The following MAP1S variants were observed in gnomAD, a reference collection of about 807,000 sequenced individuals.
The protein encoded by MAP1S is microtubule-associated protein 1S.
In MAP1S, 27 loss-of-function variants were observed where a neutral mutation model predicts 60.9. The ratio of observed to expected loss-of-function variants is 0.44; its 90% CI spans 0.33 to 0.61. The LOEUF is 0.61. Among genes scored for constraint, MAP1S ranks in the 20% least tolerant of loss-of-function variants. The pLI is 0.03. For missense variants in MAP1S, 1,608 were observed against 1,486.6 expected (o/e 1.08, Z -1.34); for synonymous variants, 826 against 694.2 (o/e 1.19, Z -2.98).
At chr19:17,728,496 A>C (rs34119888) in intron 5 of MAP1S, among the ~76,000 whole-genome samples, 31,231 of 151,306 alleles carry the variant, frequency 0.21, 4,168 homozygotes, top group Non-Finnish European at 0.29. Context: ...CTGTGTGCCC[A>C]CCTCAGCCTC....
At chr19:17,723,019 C>T (rs1382764867) in intron 2 of MAP1S, among the ~76,000 whole-genome samples, 1 of 152,166 alleles carries the variant, frequency 6.6e-6, no homozygotes, top group Admixed American at 6.5e-5. Flanking sequence ...CACCGGCCCC[C>T]ACCCCGGCTC....
At position 17,727,411 on chromosome 19, in the gene MAP1S, C is replaced by A. The variant is rs758759181; in HGVS notation, c.2027C>A (p.Thr676Lys). Residue 676 changes from threonine to lysine, a missense_variant, in exon 5 of 7, where the codon ACG becomes AAG. Physicochemically the swap from Thr to Lys is moderately conservative, Grantham distance 78. Coordinates refer to ENST00000324096, the MANE Select transcript of MAP1S (RefSeq NM_018174.6). The surrounding 1 kb of genome is among the most constrained non-coding windows in gnomAD (Gnocchi z 4.1). ...PDASPTVTTP[T>K]VTTPSLPAEV... ...GCCTCACCCACAGTGACCACACCCA[C>A]GGTGACCACGCCCTCACTACCCGCA... 3 of 1,598,448 alleles carry A rather than the reference C, an allele frequency of 1.9e-6. No homozygotes were observed. In the South Asian group the frequency reaches 3.4e-5, roughly 18 times the overall value.
rs2080431125 is a variant in MAP1S at position 17,726,803 on chromosome 19, A to G, written c.1419A>G (p.Lys473=). The change falls in exon 5 of 7, where the codon AAA becomes AAG. Residue 473 remains lysine (K), a synonymous_variant. Transcript: ENST00000324096. ...DLEGPGRAES[K]ESVGSRDSSK... ...AGGGGCCGGGGCGAGCCGAGAGCAA[A>G]GAGAGCGTGGGCTCCCGGGACAGCT... 2 of 1,558,248 alleles carry G rather than the reference A, an allele frequency of 1.3e-6. No individual in the cohort carries two copies. Among genetic ancestry groups the G allele is most frequent in the African/African-American group, 2.7e-5 (2 of 73,522 alleles).
At position 17,728,089 on chromosome 19, in the gene MAP1S, G is replaced by A. The variant is rs753996400; in HGVS notation, c.2705G>A (p.Arg902Gln). The change falls in exon 5 of 7, where the codon CGG (arginine) becomes CAG (glutamine). Residue 902 changes from arginine to glutamine, a missense_variant. Coordinates refer to ENST00000324096, the MANE Select transcript of MAP1S (RefSeq NM_018174.6). The part of the protein sequence containing the change: ...GDRASRPLSA[R>Q]SEPSEKGGRA... The stretch of plus-strand genomic sequence containing the variant: ...CGTGCCAGCCGACCACTCAGTGCCC[G>A]GAGTGAGCCCAGTGAGAAGGGAGGC... 14 of 1,612,544 alleles carry A rather than the reference G, an allele frequency of 8.7e-6. No individual in the cohort carries two copies. The highest frequency in any genetic ancestry group is 1.2e-5 in the Non-Finnish European group (14 of 1,179,828).
At chr19:17,721,071 T>A (rs1401787869) in intron 2 of MAP1S, 34 bp downstream of exon 2, 1 of 1,563,492 alleles carries the variant, frequency 6.4e-7, no homozygotes, top group Admixed American at 1.7e-5. Flanking sequence ...GCTCCCTACC[T>A]CTTGTTATTT....
chr19:17,734,439 G>A lies in MAP1S; in HGVS notation c.*11G>A, dbSNP rs780104977. On this transcript the variant is annotated 3_prime_UTR_variant, in exon 7 of 7. Coordinates refer to ENST00000324096, the MANE Select transcript of MAP1S (RefSeq NM_018174.6). Reference sequence around the variant, plus strand: ...AAGGTGGAGTTCTAGCCCCATCGCCGACACGCCCCCCACTCAGCCCAGCCC... The same window carrying A: ...AAGGTGGAGTTCTAGCCCCATCGCCAACACGCCCCCCACTCAGCCCAGCCC... The A allele has an allele frequency of 5.6e-6, 9 of 1,599,358 alleles. No individual in the cohort carries two copies. The highest frequency in any genetic ancestry group is 1.3e-5 in the African/African-American group (1 of 74,700).
At chr19:17,721,647 C>T (rs969038371) in intron 2 of MAP1S, among the ~76,000 whole-genome samples, 1 of 152,128 alleles carries the variant, frequency 6.6e-6, no homozygotes, top group East Asian at 1.9e-4. Context: ...TGCACTCCTG[C>T]CTGAGTGACA....
Position 17,725,750 on chromosome 19 carries a change from G to T in MAP1S, c.445-79G>T. 2 of 1,414,614 alleles carry T rather than the reference G, an allele frequency of 1.4e-6. No homozygotes were observed. Among genetic ancestry groups the T allele is most frequent in the Non-Finnish European group, 1.9e-6 (2 of 1,038,594 alleles). 87.6% of individuals were successfully genotyped at this position (1,414,614 alleles called of 1,614,324 possible). ...AGCAGGCCCTGGGGGAAAGGATGAG[G>T]GTGTCCTCGCCCAGTTTTCCCACCG... On this transcript the variant is annotated intron_variant, in intron 4 of 6. Transcript: ENST00000324096. The surrounding 1 kb of genome is among the most constrained non-coding windows in gnomAD (Gnocchi z 4.2).
rs746496738 is a variant in MAP1S at position 17,727,563 on chromosome 19, C to G, written c.2179C>G (p.Arg727Gly). The G allele has an allele frequency of 6.2e-7, 1 of 1,607,332 alleles. No individual in the cohort carries two copies. The highest frequency in any genetic ancestry group is 1.7e-5 in the Admixed American group (1 of 59,932). Reference protein sequence around the residue: ...LSLPLRGPRARRSASPHDVDL... With the variant: ...LSLPLRGPRAGRSASPHDVDL... ...CCTCCCGCTGCGTGGCCCCCGGGCG[C>G]GGCGCTCGGCTTCCCCACACGATGT... The change falls in exon 5 of 7, where the codon CGG (arginine) becomes GGG (glycine). Residue 727 changes from arginine (R) to glycine (G), a missense_variant. Coordinates refer to ENST00000324096, the MANE Select transcript of MAP1S (RefSeq NM_018174.6). This position sits in a 1 kb window ranked among gnomAD's most constrained non-coding sequence, Gnocchi z 4.1.
rs1158637062 is a variant in MAP1S, at chr19:17,727,197, C to T, written c.1813C>T (p.Leu605=). The T allele has an allele frequency of 6.4e-7, 1 of 1,573,840 alleles. No homozygotes were observed. The highest frequency in any genetic ancestry group is 1.4e-5 in the African/African-American group (1 of 73,886). ...SAACGSPASQ[L]VATPSLELGP... ...AGCCTGCGGCTCTCCGGCCTCCCAG[C>T]TGGTGGCCACGCCCAGCCTGGAGCT... is the stretch of plus-strand genomic sequence containing the variant. The change falls in exon 5 of 7, where the codon CTG becomes TTG. Residue 605 remains leucine (L), a synonymous_variant. Coordinates refer to ENST00000324096, the MANE Select transcript of MAP1S (RefSeq NM_018174.6). The surrounding 1 kb of genome is among the most constrained non-coding windows in gnomAD (Gnocchi z 4.1).
In MAP1S at chr19:17,727,425, T is replaced by A; in HGVS notation, c.2041T>A (p.Ser681Thr). ...GACCACACCCACGGTGACCACGCCC[T>A]CACTACCCGCAGAGGTGGGCTCCCC... ...TVTTPTVTTPSLPAEVGSPHS... is the reference protein window; with the variant it reads ...TVTTPTVTTPTLPAEVGSPHS... The change falls in exon 5 of 7, where the codon TCA becomes ACA. Residue 681 changes from serine to threonine, a missense_variant. Ser to Thr is a moderately conservative substitution (Grantham distance 58, BLOSUM62 1). Around this residue, in one of 4 missense-constraint regions of MAP1S, gnomAD observed 1,167 missense variants for 961.4 expected, o/e 1.21. Coordinates refer to ENST00000324096, the MANE Select transcript of MAP1S (RefSeq NM_018174.6). The surrounding 1 kb of genome is among the most constrained non-coding windows in gnomAD (Gnocchi z 4.1). 6.2e-7 allele frequency: 1 copy of A among 1,601,088 alleles called. No individual in the cohort carries two copies. The highest frequency in any genetic ancestry group is 1.7e-4 in the Middle Eastern group (1 of 6,046).
chr19:17,720,979 T>C lies in MAP1S; in HGVS notation c.162T>C (p.Asp54=), dbSNP rs2080365731. 6.2e-7 allele frequency: 1 copy of C among 1,613,992 alleles called. No individual in the cohort carries two copies. Among genetic ancestry groups the C allele is most frequent in the East Asian group, 2.2e-5 (1 of 44,884 alleles). ...WDVDPGVCNL[D]EQLKVFVSRH... ...TCGATCCTGGCGTCTGCAACCTTGA[T>C]GAACAGCTCAAGGTCTTTGTGTCCC... Residue 54 remains aspartate (D), a synonymous_variant, in exon 2 of 7, where the codon GAT becomes GAC. Coordinates refer to ENST00000324096, the MANE Select transcript of MAP1S (RefSeq NM_018174.6).
chr19:17,730,219 C>A (rs1252356431), intron 5 of MAP1S, among the ~76,000 whole-genome samples: 1 of 152,180 alleles, frequency 6.6e-6, no homozygotes, highest in Non-Finnish European at 1.5e-5. Context: ...TTTCCATGTC[C>A]CTAATGATTA....
chr19:17,719,698 GGGCGGC>G lies in MAP1S; in HGVS notation c.118+96_118+101del, dbSNP rs531398234. 1.1e-3 allele frequency: 625 copies of G among 553,636 alleles called. 4 individuals are homozygous for G. Among genetic ancestry groups the G allele is most frequent in the African/African-American group, 8.8e-3 (421 of 47,638 alleles). The allele number at this position is 553,636 out of a possible 1,614,324, so 34.3% of individuals were successfully genotyped here. On this transcript the variant is annotated intron_variant, in intron 1 of 6. Coordinates refer to ENST00000324096, the MANE Select transcript of MAP1S (RefSeq NM_018174.6). ...GTCTGGGCCCGGGGCCGGCGGGGTGGGGCGGCGGCGGCGGCGGCGGCGGGACCCGGG... is the reference window on the plus strand; with the variant it reads ...GTCTGGGCCCGGGGCCGGCGGGGTGGGGCGGCGGCGGCGGCGGGACCCGGG...
rs753073985 is a variant in MAP1S, at chr19:17,725,920, C to T, written c.536C>T (p.Ala179Val). The T allele has an allele frequency of 2.5e-6, 4 of 1,613,780 alleles. No homozygotes were observed. The highest frequency in any genetic ancestry group is 1.3e-5 in the African/African-American group (1 of 75,050). The stretch of plus-strand genomic sequence containing the variant: ...ACCTTCGGTGACTGGGCTCAGCTGG[C>T]ACCCGCTGTGCCTGGCCTTCAGGGG... ...CPTFGDWAQL[A>V]PAVPGLQGAL... The change falls in exon 5 of 7, where the codon GCA becomes GTA. Residue 179 changes from alanine to valine, a missense_variant. This residue lies in a region of MAP1S where 320 missense variants were observed against 393.1 expected (regional missense o/e 0.81). Transcript: ENST00000324096. This position sits in a 1 kb window ranked among gnomAD's most constrained non-coding sequence, Gnocchi z 4.2.
rs2080506711 is a variant in MAP1S at position 17,733,178 on chromosome 19, TC to T, written c.2789-9del. 9 of 1,038,886 alleles carry T rather than the reference TC, an allele frequency of 8.7e-6. No individual in the cohort carries two copies. The highest frequency in any genetic ancestry group is 1.6e-5 in the African/African-American group (1 of 63,136). The allele number at this position is 1,038,886 out of a possible 1,614,324, so 64.4% of individuals were successfully genotyped here. A position where few individuals can be genotyped will look rare whatever the true frequency, so the allele number is the denominator to read the frequency against. ...CCAGGAGCTCATCCCTGCCTCCCCA[TC>T]CCCCCGCCCGCAGGGTCAGCCAGCA... On this transcript the variant is annotated splice_polypyrimidine_tract_variant and intron_variant, in intron 5 of 6. Transcript: ENST00000324096.
At chr19:17,731,027 G>A (rs975379435) in intron 5 of MAP1S, among the ~76,000 whole-genome samples, 2 of 151,528 alleles carry the variant, frequency 1.3e-5, no homozygotes, top group Non-Finnish European at 1.5e-5. Context: ...GAGTAGCTGC[G>A]ATTACAGGCA....
Position 17,733,376 on chromosome 19 carries a change from C to A in MAP1S, c.2972C>A (p.Ala991Asp). The change falls in exon 6 of 7, where the codon GCC becomes GAC. Residue 991 changes from alanine to aspartate, a missense_variant. Ala to Asp is a moderately radical substitution (Grantham distance 126). Around this residue, in one of 4 missense-constraint regions of MAP1S, gnomAD observed 76 missense variants for 110.1 expected, o/e 0.69. Coordinates refer to ENST00000324096, the MANE Select transcript of MAP1S (RefSeq NM_018174.6). ...CAGCGCAAGGAGGAAGGCATGCGGG[C>A]CGTCCTGGACGCGCTACTGGCCAGC... ...QDQRKEEGMR[A>D]VLDALLASKQ... The A allele has an allele frequency of 6.2e-7, 1 of 1,611,300 alleles. No homozygotes were observed. The highest frequency in any genetic ancestry group is 8.5e-7 in the Non-Finnish European group (1 of 1,179,240).
At chr19:17,721,097 G>A (rs1412624231) in intron 2 of MAP1S, 60 bp downstream of exon 2, 12 of 1,353,464 alleles carry the variant, frequency 8.9e-6, no homozygotes, top group African/African-American at 1.4e-5. Context: ...AGTGCCAGCC[G>A]TGTGCCAGGC....
Sources: gnomAD v4.1 joint callset for allele counts (sites outside exome capture counted in the v4.1 genomes callset) on GRCh38, gnomAD v4.1.1 for gene constraint, gnomAD v4.1.1 regional missense constraint, Gnocchi (gnomAD v3.1) non-coding constraint, MANE v1.5 for transcripts, NCBI Gene and HGNC (gene_info 2026-07-23, HGNC 2026-07-21) for gene names.